The following GUCY2C variants were observed in gnomAD, a reference collection of about 807,000 sequenced individuals.
GUCY2C encodes the protein guanylyl cyclase C.
Under a neutral mutation model 131.1 loss-of-function variants are expected in GUCY2C, and 118 were observed. That is an observed-to-expected ratio of 0.90 (90% confidence interval 0.78 to 1.05). The LOEUF (loss-of-function observed/expected upper bound fraction) is 1.05, where lower values mean the gene tolerates loss of function less well. Among genes scored for constraint, GUCY2C ranks in the 50% least tolerant of loss-of-function variants. The probability of loss-of-function intolerance (pLI) is 0.00; values close to 1 mark genes in which losing one functional copy is unlikely to be tolerated. For missense variants in GUCY2C, 1,161 were observed against 1,304.4 expected (o/e 0.89, Z 1.69); for synonymous variants, 452 against 457.8 (o/e 0.99, Z 0.16).
rs745348978 is a variant in GUCY2C, at chr12:14,679,684, A to G, written c.803T>C (p.Ile268Thr). The G allele has an allele frequency of 1.0e-5, 16 of 1,583,124 alleles. No homozygotes were observed. Among genetic ancestry groups the G allele is most frequent in the South Asian group, 1.1e-5 (1 of 90,462 alleles). The change falls in exon 6 of 27, where the codon ATT becomes ACT. Residue 268 changes from isoleucine (I) to threonine (T), a missense_variant. By Grantham distance (89) the Ile-to-Thr change is moderately conservative. Transcript: ENST00000261170. ...GAAAAGATCCACTAGAATAATGACA[A>G]TGTCTTCAGCCACTGCTCGGTCACC... ...LKGDRAVAED[I>T]VIILVDLFND... is the part of the protein sequence containing the mutation.
At chr12:14,674,228 G>A (rs1207919065) in intron 8 of GUCY2C, 5 of 264,880 alleles carry the variant, frequency 1.9e-5, no homozygotes, top group Non-Finnish European at 3.7e-5. Flanking sequence ...ATAGCTAAAG[G>A]TTTTAACACA....
intron 1 of GUCY2C, among the ~76,000 whole-genome samples, chr12:14,689,961 AAAG>A (rs1174052799): frequency 1.3e-5 from 2 of 152,362 alleles, no homozygotes; most frequent in Middle Eastern, 3.4e-3. Flanking sequence ...TATTTTTCCT[AAAG>A]AAGGTGCTGC....
At chr12:14,692,858 A>G (rs1410393356) in intron 1 of GUCY2C, among the ~76,000 whole-genome samples, 2 of 152,144 alleles carry the variant, frequency 1.3e-5, no homozygotes, top group Middle Eastern at 3.2e-3. Context: ...CCGAATAAAT[A>G]AATAAATAAA....
chr12:14,665,451 G>C (rs1412163564), intron 10 of GUCY2C, among the ~76,000 whole-genome samples: 1 of 152,188 alleles, frequency 6.6e-6, no homozygotes, highest in Non-Finnish European at 1.5e-5. Context: ...CGGGCACTTT[G>C]TGCTGTATTA....
chr12:14,676,889 G>T lies in GUCY2C; in HGVS notation c.913C>A (p.Leu305Ile). ...LVLTLSPGNS[L>I]LNSSFSRNLS... ...TTCCTGGAGAAAGAGCTATTTAGAA[G>T]GGAATTCCCAGGAGACAGCGTCAGA... The change falls in exon 7 of 27, where the codon CTT becomes ATT. Residue 305 changes from leucine to isoleucine, a missense_variant. Coordinates refer to ENST00000261170, the MANE Select transcript of GUCY2C (RefSeq NM_004963.4). 6.5e-7 allele frequency: 1 copy of T among 1,542,932 alleles called. No homozygotes were observed. Among genetic ancestry groups the T allele is most frequent in the South Asian group, 1.2e-5 (1 of 82,048 alleles).
chr12:14,661,159 G>C (rs902347905), intron 10 of GUCY2C, 97 bp from the exon 11 acceptor site: 2 of 765,058 alleles, frequency 2.6e-6, no homozygotes, highest in Non-Finnish European at 4.5e-6. Context: ...AGGGAAAAGA[G>C]AACCCTTTAA....
intron 25 of GUCY2C, among the ~76,000 whole-genome samples, chr12:14,615,989 T>C (rs1012689993): frequency 2.0e-5 from 3 of 152,198 alleles, no homozygotes; most frequent in South Asian, 2.1e-4. Flanking sequence ...GGAGGGCAGC[T>C]GTTTTAAATG....
chr12:14,630,943 T>TCC (rs1199301294), intron 19 of GUCY2C, among the ~76,000 whole-genome samples: 3 of 152,174 alleles, frequency 2.0e-5, no homozygotes, highest in African/African-American at 7.2e-5. Flanking sequence ...GATATGCTGA[T>TCC]TGTGTGGAGG....
Position 14,636,887 on chromosome 12 carries a change from G to A in GUCY2C, c.2157+2975C>T, listed in dbSNP as rs112881338. On this transcript the variant is annotated intron_variant, in intron 19 of 26. Coordinates refer to ENST00000261170, the MANE Select transcript of GUCY2C (RefSeq NM_004963.4). ...GTGGATTGCCTGAGCTCAGGAGTTC[G>A]AGACAAGCCTGGGCAACATGGTGAA... 6.9e-4 allele frequency among the ~76,000 whole-genome samples: 105 copies of A among 152,018 alleles called. No homozygotes were observed. In the South Asian group the frequency reaches 0.01, roughly 15 times the overall value.
chr12:14,628,848 A>G (rs1947080605), intron 19 of GUCY2C, 111 bp from the exon 20 acceptor site: 2 of 704,794 alleles, frequency 2.8e-6, no homozygotes, highest in South Asian at 3.1e-5. Context: ...GTTTAAAAAT[A>G]TCTTCAACTC....
chr12:14,641,823 G>T (rs1947411151), intron 17 of GUCY2C, among the ~76,000 whole-genome samples: 1 of 151,852 alleles, frequency 6.6e-6, no homozygotes, highest in Non-Finnish European at 1.5e-5. Flanking sequence ...TGTAGTCCCA[G>T]CTTCTCAGGA....
rs1420635 is a variant in GUCY2C, at chr12:14,676,959, A to C, written c.843T>G (p.Phe281Leu). 1,450,679 of 1,454,036 alleles carry C rather than the reference A, an allele frequency of 1. 723,720 individuals are homozygous for C. Among genetic ancestry groups the C allele is most frequent in the East Asian group, 1 (43,624 of 43,624 alleles). The allele number at this position is 1,454,036 out of a possible 1,614,324, so 90.1% of individuals were successfully genotyped here. A position where few individuals can be genotyped will look rare whatever the true frequency, so the allele number is the denominator to read the frequency against. Residue 281 changes from phenylalanine (F) to leucine (L), a missense_variant, in exon 7 of 27, where the codon TTT becomes TTG. Phe to Leu is a conservative substitution (Grantham distance 22). Coordinates refer to ENST00000261170, the MANE Select transcript of GUCY2C (RefSeq NM_004963.4). ...AGTCAGGGGCTGTGACATTGTCCTC[A>C]AAGTACTGGTCACTGTAATAAAAAG... Reference protein sequence around the residue: ...ILVDLFNDQYFEDNVTAPDYM... With the variant: ...ILVDLFNDQYLEDNVTAPDYM...
chr12:14,640,480 GAAAGA>G (rs1947375197), intron 18 of GUCY2C, among the ~76,000 whole-genome samples: 3 of 132,150 alleles, frequency 2.3e-5, no homozygotes, highest in Non-Finnish European at 3.3e-5. Flanking sequence ...AAAAAAAAAA[GAAAGA>G]AAAGAAAAGA....
intron 10 of GUCY2C, among the ~76,000 whole-genome samples, chr12:14,664,934 G>C (rs1947941957): frequency 6.6e-6 from 1 of 152,076 alleles, no homozygotes; most frequent in Non-Finnish European, 1.5e-5. Context: ...TAAGCCCTGA[G>C]GGGGCGCGGT....
At chr12:14,670,518 G>A (rs1167292543) in intron 9 of GUCY2C, among the ~76,000 whole-genome samples, 1 of 152,074 alleles carries the variant, frequency 6.6e-6, no homozygotes, top group Admixed American at 6.5e-5. Context: ...AAAGATGACT[G>A]ATATGGTTTG....
chr12:14,612,924 A>AAGG lies in GUCY2C; in HGVS notation c.*190_*192dup, dbSNP rs1446531989. 29 of 517,882 alleles carry AAGG rather than the reference A, an allele frequency of 5.6e-5. No individual in the cohort carries two copies. The highest frequency in any genetic ancestry group is 9.7e-5 in the Non-Finnish European group (28 of 288,792). The allele number at this position is 517,882 out of a possible 1,614,324, so 32.1% of individuals were successfully genotyped here. A position where few individuals can be genotyped will look rare whatever the true frequency, so the allele number is the denominator to read the frequency against. ...CTGCTGGAATAAGGTTCCAGAGTGG[A>AAGG]AGGTAGTTATTTCACTGAGAACACA... On this transcript the variant is annotated 3_prime_UTR_variant, in exon 27 of 27. Transcript: ENST00000261170.
chr12:14,679,849 T>A, intron 5 of GUCY2C, 96 bp from the exon 6 acceptor site: 1 of 667,818 alleles, frequency 1.5e-6, no homozygotes, highest in Non-Finnish European at 2.7e-6. Context: ...AGTATGTTAA[T>A]GTTAAATTTT....
chr12:14,681,570 G>C, intron 4 of GUCY2C, 93 bp from the exon 5 acceptor site: 1 of 1,089,144 alleles, frequency 9.2e-7, no homozygotes, highest in Non-Finnish European at 1.4e-6. Context: ...CCTGGGATTT[G>C]TTCATCTAAA....
intron 19 of GUCY2C, among the ~76,000 whole-genome samples, chr12:14,634,835 T>C (rs1947227909): frequency 6.6e-6 from 1 of 152,132 alleles, no homozygotes; most frequent in Non-Finnish European, 1.5e-5. Flanking sequence ...TAAAACAGAC[T>C]TTAAGTAAAA....
Sources: gnomAD v4.1 joint callset for allele counts (sites outside exome capture counted in the v4.1 genomes callset) on GRCh38, gnomAD v4.1.1 for gene constraint, MANE v1.5 for transcripts, NCBI Gene and HGNC (gene_info 2026-07-23, HGNC 2026-07-21) for gene names.